SLFN12L: variants seen among roughly 807,000 people sequenced by gnomAD.
SLFN12L encodes schlafen family member 12 like.
SLFN12L carries 34 observed loss-of-function variants against 34.8 expected under a neutral mutation model. The ratio of observed to expected loss-of-function variants is 0.98; its 90% CI spans 0.74 to 1.30. The LOEUF is 1.30. SLFN12L is among the 50% of genes most tolerant of loss of function. The probability of loss-of-function intolerance (pLI) is 0.00; values close to 1 mark genes in which losing one functional copy is unlikely to be tolerated. For synonymous variants in SLFN12L, 259 were observed against 247.5 expected (o/e 1.05, Z -0.44); for missense variants, 703 against 696.2 (o/e 1.01, Z -0.11).
intron 2 of SLFN12L, among the ~76,000 whole-genome samples, chr17:35,494,260 G>A (rs1914957382): frequency 6.6e-6 from 1 of 151,810 alleles, no homozygotes; most frequent in South Asian, 2.1e-4. Flanking sequence ...CTTTTATGAT[G>A]GATTTTGTAA....
At position 35,479,871 on chromosome 17, in the gene SLFN12L, G is replaced by A. The variant is rs1468659997; in HGVS notation, c.411C>T (p.Asp137=). The A allele has an allele frequency of 1.2e-6, 2 of 1,609,236 alleles. No homozygotes were observed. The highest frequency in any genetic ancestry group is 1.3e-5 in the African/African-American group (1 of 74,682). ...NMLPFVPNFL[D]FMQNGNYFHI... is the part of the protein sequence containing the mutation. The stretch of plus-strand genomic sequence containing the variant: ...GAAAGTAGTTACCATTCTGCATGAA[G>A]TCCAGGAAATTAGGAACAAATGGCA... Residue 137 remains aspartate, a synonymous_variant, in exon 3 of 5, where the codon GAC becomes GAT. Coordinates refer to ENST00000628453, the MANE Select transcript of SLFN12L (RefSeq NM_001363830.2).
In SLFN12L at chr17:35,474,402, A is replaced by G. The variant is rs1284535493; in HGVS notation, c.*521T>C. On this transcript the variant is annotated 3_prime_UTR_variant, in exon 5 of 5. Transcript: ENST00000628453. ...ACTTAGGAAGAAGCGAACATAGGCT[A>G]ATCCCAGTTTTCCAACATCACGTCA... is the stretch of plus-strand genomic sequence containing the variant. 1 of 152,652 alleles carries G rather than the reference A, an allele frequency of 6.6e-6. No homozygotes were observed. Among genetic ancestry groups the G allele is most frequent in the Non-Finnish European group, 1.5e-5 (1 of 68,404 alleles). The allele number at this position is 152,652 out of a possible 1,614,324, so 9.5% of individuals were successfully genotyped here. A position where few individuals can be genotyped will look rare whatever the true frequency, so the allele number is the denominator to read the frequency against.
Position 35,474,935 on chromosome 17 carries a change from AAAAC to A in SLFN12L, c.1823_1826del (p.Cys608PhefsTer3), listed in dbSNP as rs776402112. On this transcript the variant is annotated frameshift_variant, in exon 5 of 5. Transcript: ENST00000628453. LOFTEE classifies it high-confidence loss of function. ...GACAGAGTGAGACTCATCTCAAGAA[AAAAC>A]AAACAAACCAACAAACAAACAAACA... 3.7e-5 allele frequency: 58 copies of A among 1,547,186 alleles called. No homozygotes were observed. In the African/African-American group the frequency reaches 5.8e-4, roughly 15 times the overall value.
At chr17:35,489,501 C>A (rs1037012146) in intron 2 of SLFN12L, among the ~76,000 whole-genome samples, 1 of 152,068 alleles carries the variant, frequency 6.6e-6, no homozygotes, top group Non-Finnish European at 1.5e-5. Flanking sequence ...CTGCAGTGAG[C>A]CGTGATCAGG....
intron 1 of SLFN12L, among the ~76,000 whole-genome samples, chr17:35,532,240 G>A (rs2072418406): frequency 6.6e-6 from 1 of 152,162 alleles, no homozygotes; most frequent in African/African-American, 2.4e-5. Context: ...AGGAGTTTGA[G>A]ACCAGCCTGG....
chr17:35,510,660 T>C (rs1915609322), intron 2 of SLFN12L, among the ~76,000 whole-genome samples: 1 of 152,150 alleles, frequency 6.6e-6, no homozygotes, highest in South Asian at 2.1e-4. Flanking sequence ...GTGGTGATCA[T>C]TGCACAACTC....
rs1261992246 is a variant in SLFN12L, at chr17:35,470,034, A to G, written c.*4889T>C. The G allele has an allele frequency of 1.3e-5, 2 of 152,228 alleles. No individual in the cohort carries two copies. Among genetic ancestry groups the G allele is most frequent in the East Asian group, 1.9e-4 (1 of 5,202 alleles). The allele number at this position is 152,228 out of a possible 1,614,324, so 9.4% of individuals were successfully genotyped here. On this transcript the variant is annotated 3_prime_UTR_variant, in exon 5 of 5. Transcript: ENST00000628453. The stretch of plus-strand genomic sequence containing the variant: ...GAGCAAGTCCCCTTCTCTTGGAACT[A>G]TAAGTAATAAAGTCTTTTTTCAATG...
chr17:35,510,643 G>A (rs1225410662), intron 2 of SLFN12L, among the ~76,000 whole-genome samples: 1 of 152,162 alleles, frequency 6.6e-6, no homozygotes, highest in Non-Finnish European at 1.5e-5. Flanking sequence ...TCTTTGTGAG[G>A]TGGATAGTGG....
chr17:35,529,243 G>A (rs894600434), intron 1 of SLFN12L, among the ~76,000 whole-genome samples: 25 of 152,334 alleles, frequency 1.6e-4, no homozygotes, highest in African/African-American at 5.5e-4. Context: ...TTACACTGTT[G>A]ATGGGAGTGT....
intron 2 of SLFN12L, chr17:35,498,080 C>A (rs1011009683): frequency 4.7e-5 from 25 of 533,790 alleles, no homozygotes; most frequent in African/African-American, 4.1e-4. Flanking sequence ...GCGGCGAGGG[C>A]GGCGGGGCGC....
intron 1 of SLFN12L, among the ~76,000 whole-genome samples, chr17:35,523,549 G>A (rs993347540): frequency 1.1e-4 from 16 of 152,212 alleles, no homozygotes; most frequent in African/African-American, 3.4e-4. Flanking sequence ...AGATCAATCT[G>A]AGGCTCCCCC....
At chr17:35,480,910 T>C (rs1490768161) in intron 2 of SLFN12L, among the ~76,000 whole-genome samples, 2 of 152,080 alleles carry the variant, frequency 1.3e-5, no homozygotes, top group African/African-American at 4.8e-5. Flanking sequence ...ATAAGAATAG[T>C]TATACTAAAA....
chr17:35,522,369 T>G lies in SLFN12L; in HGVS notation c.-5A>C. 1 of 1,614,216 alleles carries G rather than the reference T, an allele frequency of 6.2e-7. No homozygotes were observed. Among genetic ancestry groups the G allele is most frequent in the South Asian group, 1.1e-5 (1 of 91,090 alleles). On this transcript the variant is annotated 5_prime_UTR_variant, in exon 2 of 5. Coordinates refer to ENST00000628453, the MANE Select transcript of SLFN12L (RefSeq NM_001363830.2). ...CACATTCCTGATCTTCTCCATGATC[T>G]TCATGGCCATGATGGTCTTTCCTAA...
chr17:35,495,645 A>G (rs1915027266), intron 2 of SLFN12L, among the ~76,000 whole-genome samples: 2 of 151,740 alleles, frequency 1.3e-5, no homozygotes, highest in Admixed American at 1.3e-4. Flanking sequence ...CGGCGCTCAG[A>G]AGCTTCGGCC....
intron 2 of SLFN12L, among the ~76,000 whole-genome samples, chr17:35,517,342 A>G (rs1304257551): frequency 6.6e-6 from 1 of 152,206 alleles, no homozygotes. Flanking sequence ...TACAACTTAC[A>G]AGGGACGTGA....
intron 2 of SLFN12L, chr17:35,498,207 T>C: frequency 3.6e-6 from 1 of 280,376 alleles, no homozygotes; most frequent in Non-Finnish European, 7.4e-6. Context: ...CCGCCTGGGA[T>C]GTTCAGTCAT....
chr17:35,524,927 T>C (rs938538307), intron 1 of SLFN12L, among the ~76,000 whole-genome samples: 1 of 152,020 alleles, frequency 6.6e-6, no homozygotes, highest in African/African-American at 2.4e-5. Context: ...AAGGAGCATG[T>C]TTTAACCCAA....
chr17:35,530,528 A>G (rs1412639690), intron 1 of SLFN12L, among the ~76,000 whole-genome samples: 5 of 48,406 alleles, frequency 1.0e-4, no homozygotes, highest in African/African-American at 1.1e-4. Flanking sequence ...AAAAGAAAAG[A>G]AAAGAAAAGA....
rs151098464 is a variant in SLFN12L at position 35,469,136 on chromosome 17, A to G, written c.*5787T>C. On this transcript the variant is annotated 3_prime_UTR_variant, in exon 5 of 5. Coordinates refer to ENST00000628453, the MANE Select transcript of SLFN12L (RefSeq NM_001363830.2). ...TAACTCCCCAGTGCCTACCCCTACT[A>G]CCCCCTCAAGCTTTCCCCCGTGACT... Among the ~76,000 whole-genome samples the G allele has an allele frequency of 5.4e-4, 76 of 140,708 alleles. 1 individual carries two copies. In the East Asian group the frequency reaches 0.014, roughly 25 times the overall value. 92.3% of individuals were successfully genotyped at this position (140,708 alleles called of 152,430 possible).
Sources: allele counts gnomAD v4.1 joint callset (sites outside exome capture counted in the v4.1 genomes callset), GRCh38; gene constraint gnomAD v4.1.1; transcripts MANE v1.5; gene names NCBI Gene and HGNC (gene_info 2026-07-23, HGNC 2026-07-21).